Variants in GAREM1 observed in about 807,000 individuals in gnomAD.
The protein encoded by GAREM1 is GRB2 associated regulator of MAPK1 subtype 1.
GAREM1 carries 26 observed loss-of-function variants against 71.3 expected under a neutral mutation model. The observed-to-expected ratio is 0.36, with a 90% CI of 0.27 to 0.51. The LOEUF (loss-of-function observed/expected upper bound fraction) is 0.51, where lower values mean the gene tolerates loss of function less well. Among genes scored for constraint, GAREM1 ranks in the 20% least tolerant of loss-of-function variants. The pLI, the probability that GAREM1 is intolerant of heterozygous loss-of-function variation, is 0.95. For synonymous variants in GAREM1, 440 were observed against 433.2 expected (o/e 1.02, Z -0.20); for missense variants, 1,026 against 1,103.1 (o/e 0.93, Z 0.99).
chr18:32,337,553 T>C (rs558296573), intron 2 of GAREM1, among the ~76,000 whole-genome samples: 6 of 152,288 alleles, frequency 3.9e-5, no homozygotes, highest in South Asian at 2.1e-4. Context: ...GCATTAGTCA[T>C]AGGAAAGAAG....
At chr18:32,322,940 A>T (rs2047443674) in intron 2 of GAREM1, among the ~76,000 whole-genome samples, 1 of 152,226 alleles carries the variant, frequency 6.6e-6, no homozygotes, top group Admixed American at 6.5e-5. Context: ...CCAAACTAGA[A>T]ACTGAATAAA....
intron 2 of GAREM1, among the ~76,000 whole-genome samples, chr18:32,357,000 T>C (rs945522097): frequency 6.6e-6 from 1 of 152,194 alleles, no homozygotes; most frequent in Admixed American, 6.5e-5. Context: ...ACAGCCTTCG[T>C]AGCACAATCC....
At chr18:32,355,741 A>G (rs2047798547) in intron 2 of GAREM1, among the ~76,000 whole-genome samples, 1 of 152,216 alleles carries the variant, frequency 6.6e-6, no homozygotes, top group South Asian at 2.1e-4. Flanking sequence ...GGTGAAAAAC[A>G]TTCTATAAAA....
chr18:32,335,796 C>T (rs569891375), intron 2 of GAREM1, among the ~76,000 whole-genome samples: 1 of 152,296 alleles, frequency 6.6e-6, no homozygotes, highest in South Asian at 2.1e-4. Flanking sequence ...TGCATGATTT[C>T]CTGTAGACAA....
intron 2 of GAREM1, among the ~76,000 whole-genome samples, chr18:32,390,818 G>A (rs1473263075): frequency 6.6e-6 from 1 of 152,116 alleles, no homozygotes; most frequent in Non-Finnish European, 1.5e-5. Flanking sequence ...TAACCATGGG[G>A]GAGCTTTTAA....
intron 2 of GAREM1, among the ~76,000 whole-genome samples, chr18:32,374,147 T>G (rs1452284504): frequency 6.6e-6 from 1 of 152,208 alleles, no homozygotes; most frequent in African/African-American, 2.4e-5. Flanking sequence ...CACATGGTCT[T>G]CAAAGGCATG....
intron 3 of GAREM1, among the ~76,000 whole-genome samples, chr18:32,300,932 A>AGGC (rs1485364470): frequency 6.6e-6 from 1 of 150,510 alleles, no homozygotes; most frequent in African/African-American, 2.4e-5. Flanking sequence ...AAAAAGAAGA[A>AGGC]GGCACAGTCT....
chr18:32,470,060 T>C lies in GAREM1; in HGVS notation c.121+248A>G, dbSNP rs538130778. ...ATTACGATCTGCAGAGGTCTCCCTATGTTGACTTTTTTTTTAGGGCGTCCT... is the reference window on the plus strand; with the variant it reads ...ATTACGATCTGCAGAGGTCTCCCTACGTTGACTTTTTTTTTAGGGCGTCCT... On this transcript the variant is annotated intron_variant, in intron 1 of 5. Coordinates refer to ENST00000269209, the MANE Select transcript of GAREM1 (RefSeq NM_001242409.2). The surrounding 1 kb of genome is among the most constrained non-coding windows in gnomAD (Gnocchi z 4.4). Among the ~76,000 whole-genome samples the C allele has an allele frequency of 1.3e-5, 2 of 149,934 alleles. No homozygotes were observed. Among genetic ancestry groups the C allele is most frequent in the East Asian group, 4.0e-4 (2 of 5,040 alleles).
chr18:32,270,780 T>A (rs963165564), intron 4 of GAREM1, among the ~76,000 whole-genome samples: 1 of 152,122 alleles, frequency 6.6e-6, no homozygotes, highest in South Asian at 2.1e-4. Context: ...AGGATTCATC[T>A]CTTCTATTAG....
chr18:32,362,966 T>C (rs2047881017), intron 2 of GAREM1, among the ~76,000 whole-genome samples: 1 of 152,232 alleles, frequency 6.6e-6, no homozygotes, highest in Non-Finnish European at 1.5e-5. Flanking sequence ...AGTATATAAT[T>C]TAATTTATAT....
chr18:32,450,612 C>A (rs1328363162), intron 1 of GAREM1, among the ~76,000 whole-genome samples: 1 of 152,154 alleles, frequency 6.6e-6, no homozygotes, highest in Admixed American at 6.5e-5. Flanking sequence ...AGATGCAAGC[C>A]CAGATTTCTG....
At chr18:32,276,746 G>A (rs2041547963) in intron 4 of GAREM1, among the ~76,000 whole-genome samples, 1 of 152,186 alleles carries the variant, frequency 6.6e-6, no homozygotes, top group Non-Finnish European at 1.5e-5. Flanking sequence ...AACAGGGCTT[G>A]GGAAAAGCAG....
At chr18:32,275,021 T>C (rs1052261421) in intron 4 of GAREM1, among the ~76,000 whole-genome samples, 20 of 151,810 alleles carry the variant, frequency 1.3e-4, no homozygotes, top group Admixed American at 8.5e-4. Context: ...TATGTTTATG[T>C]GGAAATTATT....
At chr18:32,462,083 A>C (rs575354012) in intron 1 of GAREM1, among the ~76,000 whole-genome samples, 1 of 152,388 alleles carries the variant, frequency 6.6e-6, no homozygotes, top group East Asian at 1.9e-4. Flanking sequence ...TTTTACAGAC[A>C]ATGTGGATAC....
At chr18:32,407,813 C>T (rs898115380) in intron 1 of GAREM1, among the ~76,000 whole-genome samples, 2 of 152,054 alleles carry the variant, frequency 1.3e-5, no homozygotes, top group Non-Finnish European at 2.9e-5. Flanking sequence ...GCAACATAAC[C>T]TCAGATCTCC....
In GAREM1 at chr18:32,413,100, G is replaced by A. The variant is rs547903942; in HGVS notation, c.122-20065C>T. The A allele has an allele frequency of 2.7e-3, 4,217 of 1,538,824 alleles. 13 individuals are homozygous for A. Among genetic ancestry groups the A allele is most frequent in the Non-Finnish European group, 3.2e-3 (3,584 of 1,118,844 alleles). ...AAAATGGCTCCTCAGGCTCTCATCAGTTGTTTCAAAGCTCAACCCTCCAAT... is the reference window on the plus strand; with the variant it reads ...AAAATGGCTCCTCAGGCTCTCATCAATTGTTTCAAAGCTCAACCCTCCAAT... On this transcript the variant is annotated intron_variant, in intron 1 of 5. Transcript: ENST00000269209.
In GAREM1 at chr18:32,316,618, T is replaced by C. The variant is rs549819233; in HGVS notation, c.263-6295A>G. On this transcript the variant is annotated intron_variant, in intron 2 of 5. Coordinates refer to ENST00000269209, the MANE Select transcript of GAREM1 (RefSeq NM_001242409.2). Reference sequence around the variant, plus strand: ...TGCCACCACACCCAGCTAATTGTTGTATTTTTTTGTAGAGATGAGGTTTTG... The same window carrying C: ...TGCCACCACACCCAGCTAATTGTTGCATTTTTTTGTAGAGATGAGGTTTTG... 5.9e-5 allele frequency among the ~76,000 whole-genome samples: 9 copies of C among 152,216 alleles called. No homozygotes were observed. In the South Asian group the frequency reaches 1.5e-3, roughly 25 times the overall value.
intron 1 of GAREM1, among the ~76,000 whole-genome samples, chr18:32,463,821 A>G (rs1283179590): frequency 1.3e-5 from 2 of 151,702 alleles, no homozygotes; most frequent in Non-Finnish European, 2.9e-5. Context: ...CGCCCACCTC[A>G]GCCTCCCAAA....
chr18:32,468,960 T>TCCCCCCCCCCCC (rs34977174), intron 1 of GAREM1, among the ~76,000 whole-genome samples: 202 of 82,180 alleles, frequency 2.5e-3, no homozygotes, highest in Middle Eastern at 6.8e-3. Context: ...CACCTGTGCG[T>TCCCCCCCCCCCC]CCCCCCCCCC....
Sources: allele counts gnomAD v4.1 joint callset (sites outside exome capture counted in the v4.1 genomes callset), GRCh38; gene constraint gnomAD v4.1.1; non-coding constraint Gnocchi (gnomAD v3.1); transcripts MANE v1.5; gene names NCBI Gene and HGNC (gene_info 2026-07-23, HGNC 2026-07-21).